The following ANKEF1 variants were observed in gnomAD, a reference collection of about 807,000 sequenced individuals.
ANKEF1 encodes ankyrin repeat and EF-hand domain containing 1.
Under a neutral mutation model 65.1 loss-of-function variants are expected in ANKEF1, and 43 were observed. The observed-to-expected ratio is 0.66, with a 90% CI of 0.52 to 0.85. ANKEF1 has a LOEUF of 0.85. ANKEF1 is among the 40% of genes least tolerant of loss of function. ANKEF1 has a pLI of 0.00. For synonymous variants in ANKEF1, 316 were observed against 341.5 expected (o/e 0.93, Z 0.82); for missense variants, 934 against 952.9 (o/e 0.98, Z 0.26).
intron 10 of ANKEF1, 66 bp from the exon 11 acceptor site, chr20:10,055,436 G>A: frequency 7.0e-7 from 1 of 1,419,958 alleles, no homozygotes; most frequent in Non-Finnish European, 9.8e-7. Context: ...AAATTGTCTG[G>A]ATATTAGCAT....
In ANKEF1 at chr20:10,043,236, T is replaced by A; in HGVS notation, c.461T>A (p.Leu154His). ...ACCTATGAAGGAAAGCCAATATTCC[T>A]TAGAGCTTGTGAAGATGCACATGAT... ...NSTYEGKPIF[L>H]RACEDAHDVK... The change falls in exon 4 of 11, where the codon CTT becomes CAT. Residue 154 changes from leucine (L) to histidine (H), a missense_variant. Transcript: ENST00000378392. The A allele has an allele frequency of 2.5e-6, 4 of 1,614,182 alleles. No individual in the cohort carries two copies. The highest frequency in any genetic ancestry group is 3.4e-6 in the Non-Finnish European group (4 of 1,180,014).
rs757236357 is a variant in ANKEF1 at position 10,049,670 on chromosome 20, G to A, written c.1101G>A (p.Gln367=). The stretch of plus-strand genomic sequence containing the variant: ...TCGTGATGGTGTTGGAGGAAAGGCA[G>A]GATTATGCAAGCTCAGAACAGCTGG... ...NDFVMVLEER[Q]DYASSEQLAA... Residue 367 remains glutamine, a synonymous_variant, in exon 7 of 11, where the codon CAG becomes CAA. Coordinates refer to ENST00000378392, the MANE Select transcript of ANKEF1 (RefSeq NM_022096.6). 5.6e-6 allele frequency: 9 copies of A among 1,614,124 alleles called. No homozygotes were observed. The highest frequency in any genetic ancestry group is 6.8e-6 in the Non-Finnish European group (8 of 1,180,012).
intron 5 of ANKEF1, among the ~76,000 whole-genome samples, chr20:10,045,066 T>C (rs1463076119): frequency 6.6e-6 from 1 of 152,256 alleles, no homozygotes; most frequent in Non-Finnish European, 1.5e-5. Flanking sequence ...CTGAATTTCA[T>C]CTGAAATTTC....
intron 3 of ANKEF1, 91 bp from the exon 4 acceptor site, chr20:10,043,031 A>G (rs1984281117): frequency 7.8e-7 from 1 of 1,289,668 alleles, no homozygotes; most frequent in Non-Finnish European, 1.1e-6. Flanking sequence ...GCCTTTAACT[A>G]GCTAAATATG....
In ANKEF1 at chr20:10,038,397, C is replaced by T; in HGVS notation, c.96C>T (p.Thr32=). The T allele has an allele frequency of 6.2e-7, 1 of 1,613,766 alleles. No homozygotes were observed. Among genetic ancestry groups the T allele is most frequent in the Non-Finnish European group, 8.5e-7 (1 of 1,179,736 alleles). ...ACAAGAAGCAGATAGAGAAGCTGAC[C>T]AAGCTTGGATACCCTGAACTAATCA... ...NKDKKQIEKL[T]KLGYPELINY... The change falls in exon 3 of 11, where the codon ACC becomes ACT. Residue 32 remains threonine (T), a synonymous_variant. Transcript: ENST00000378392.
In ANKEF1 at chr20:10,054,490, C is replaced by T. The variant is rs368277044; in HGVS notation, c.2063C>T (p.Pro688Leu). The change falls in exon 10 of 11, where the codon CCA becomes CTA. Residue 688 changes from proline (P) to leucine (L), a missense_variant. By Grantham distance (98) the Pro-to-Leu change is moderately conservative (BLOSUM62 -3). Coordinates refer to ENST00000378392, the MANE Select transcript of ANKEF1 (RefSeq NM_022096.6). ...EELLSSIYGV[P>L]TTSEGKKVQK... ...CTGCTGTCATCAATTTATGGTGTAC[C>T]AACCACATCAGAGGGAAAGAAAGTA... 82 of 1,595,002 alleles carry T rather than the reference C, an allele frequency of 5.1e-5. No homozygotes were observed. Among genetic ancestry groups the T allele is most frequent in the Non-Finnish European group, 6.7e-5 (78 of 1,172,844 alleles).
chr20:10,054,288 A>C (rs182147479), intron 9 of ANKEF1, among the ~76,000 whole-genome samples, 174 bp from the exon 10 acceptor site: 100 of 152,290 alleles, frequency 6.6e-4, no homozygotes, highest in Non-Finnish European at 1.3e-3. Context: ...AAGGCAAACT[A>C]TCTCTCCCCA....
At chr20:10,036,320 G>C (rs1299561941) in intron 2 of ANKEF1, among the ~76,000 whole-genome samples, 1 of 151,794 alleles carries the variant, frequency 6.6e-6, no homozygotes, top group Non-Finnish European at 1.5e-5. Context: ...CATTGATTCA[G>C]TCTAATCATT....
In ANKEF1 at chr20:10,051,677, C is replaced by T. The variant is rs1377626079; in HGVS notation, c.1658C>T (p.Ala553Val). 1.2e-6 allele frequency: 2 copies of T among 1,612,916 alleles called. No homozygotes were observed. The highest frequency in any genetic ancestry group is 2.7e-5 in the African/African-American group (2 of 75,016). Residue 553 changes from alanine (A) to valine (V), a missense_variant, in exon 8 of 11, where the codon GCA becomes GTA. Coordinates refer to ENST00000378392, the MANE Select transcript of ANKEF1 (RefSeq NM_022096.6). ...TTATTTTACAGAGCTAACGTTAATG[C>T]AACAGATAACTTTCTGTGGACTCCA... ...FLLEKGANVNATDNFLWTPLH... is the reference protein window; with the variant it reads ...FLLEKGANVNVTDNFLWTPLH...
chr20:10,044,163 G>A (rs1984366184), intron 4 of ANKEF1, among the ~76,000 whole-genome samples: 1 of 151,970 alleles, frequency 6.6e-6, no homozygotes, highest in African/African-American at 2.4e-5. Context: ...ATTCTCACAG[G>A]GGCATGCAGT....
chr20:10,039,872 G>A (rs1984070072), intron 3 of ANKEF1, among the ~76,000 whole-genome samples: 1 of 151,980 alleles, frequency 6.6e-6, no homozygotes, highest in South Asian at 2.1e-4. Context: ...CATCTTATAT[G>A]CCTGGAGTTT....
rs1044751526 is a variant in ANKEF1, at chr20:10,035,281, G to A, written c.-161G>A. 3.9e-5 allele frequency: 6 copies of A among 152,416 alleles called. No individual in the cohort carries two copies. Among genetic ancestry groups the A allele is most frequent in the African/African-American group, 1.4e-4 (6 of 41,466 alleles). 9.4% of individuals were successfully genotyped at this position (152,416 alleles called of 1,614,324 possible). ...CTCCCCGGTCGCCCCAGCAGGCCCA[G>A]GCACATAGGTGCCCAGAGATCCCTG... On this transcript the variant is annotated 5_prime_UTR_variant, in exon 1 of 11. Transcript: ENST00000378392.
At chr20:10,050,347 A>C in intron 7 of ANKEF1, 135 bp downstream of exon 7, 1 of 647,388 alleles carries the variant, frequency 1.5e-6, no homozygotes, top group Non-Finnish European at 2.5e-6. Context: ...TAATATATAA[A>C]AGCCTTTTAT....
In ANKEF1 at chr20:10,050,215, A is replaced by G; in HGVS notation, c.1643+3A>G. The G allele has an allele frequency of 6.3e-7, 1 of 1,596,264 alleles. No individual in the cohort carries two copies. Among genetic ancestry groups the G allele is most frequent in the South Asian group, 1.1e-5 (1 of 88,384 alleles). On this transcript the variant is annotated splice_donor_region_variant and intron_variant, in intron 7 of 10. Transcript: ENST00000378392. ...GTCAAGTTTCTTCTTGAAAAAGGGTACGCGTCTCCGTCGGGTGTGGCCTAA... is the reference window on the plus strand; with the variant it reads ...GTCAAGTTTCTTCTTGAAAAAGGGTGCGCGTCTCCGTCGGGTGTGGCCTAA...
chr20:10,051,907 T>C lies in ANKEF1; in HGVS notation c.1870+18T>C, dbSNP rs377268263. The C allele has an allele frequency of 7.8e-4, 1,222 of 1,561,978 alleles. No homozygotes were observed. The highest frequency in any genetic ancestry group is 9.1e-4 in the Non-Finnish European group (1,039 of 1,143,388). On this transcript the variant is annotated intron_variant, in intron 8 of 10. Transcript: ENST00000378392. ...TAGAAAAGGTATGCGTTCATATTAT[T>C]GATGATTAGGGTTAGAAAAGGAGAA...
Position 10,038,248 on chromosome 20 carries a change from G to T in ANKEF1, c.-44-10G>T. The stretch of plus-strand genomic sequence containing the variant: ...TAACTTTGAGTTATTTTTCTTTTTT[G>T]TTGCTTCAGCTTTAGTTTTGGTCCA... On this transcript the variant is annotated splice_polypyrimidine_tract_variant and intron_variant, in intron 2 of 10. Coordinates refer to ENST00000378392, the MANE Select transcript of ANKEF1 (RefSeq NM_022096.6). 2 of 1,199,860 alleles carry T rather than the reference G, an allele frequency of 1.7e-6. No homozygotes were observed. Among genetic ancestry groups the T allele is most frequent in the Non-Finnish European group, 2.2e-6 (2 of 899,456 alleles). The allele number at this position is 1,199,860 out of a possible 1,614,324, so 74.3% of individuals were successfully genotyped here.
intron 5 of ANKEF1, 112 bp from the exon 6 acceptor site, chr20:10,045,462 A>T: frequency 9.6e-7 from 1 of 1,038,386 alleles, no homozygotes; most frequent in Non-Finnish European, 1.4e-6. Flanking sequence ...AATTTTCAAT[A>T]GTCATACGTG....
At position 10,045,533 on chromosome 20, in the gene ANKEF1, A is replaced by G. The variant is rs768111150; in HGVS notation, c.697-41A>G. 5.0e-6 allele frequency: 8 copies of G among 1,600,286 alleles called. No homozygotes were observed. In the East Asian group the frequency reaches 1.1e-4, roughly 22 times the overall value. On this transcript the variant is annotated intron_variant, in intron 5 of 10. Coordinates refer to ENST00000378392, the MANE Select transcript of ANKEF1 (RefSeq NM_022096.6). ...CTGTCAGTCTTTATATAGTAAATGT[A>G]CATTCCTATTCCTCCACAATATCCA...
intron 2 of ANKEF1, 67 bp from the exon 3 acceptor site, chr20:10,038,191 T>C (rs952291131): frequency 1.4e-5 from 9 of 646,238 alleles, no homozygotes; most frequent in African/African-American, 1.1e-4. Flanking sequence ...TTCCAAAATA[T>C]TGTTATTTAA....
Sources: allele counts gnomAD v4.1 joint callset (sites outside exome capture counted in the v4.1 genomes callset), GRCh38; gene constraint gnomAD v4.1.1; transcripts MANE v1.5; gene names NCBI Gene and HGNC (gene_info 2026-07-23, HGNC 2026-07-21).